SHF: variants seen among roughly 807,000 people sequenced by gnomAD.
SHF encodes the protein Src homology 2 domain containing F, also known as SH2 domain-containing adapter protein F.
SHF carries 30 observed loss-of-function variants against 42.4 expected under a neutral mutation model. The ratio of observed to expected loss-of-function variants is 0.71; its 90% CI spans 0.53 to 0.96. The LOEUF is 0.96. SHF is among the 40% of genes least tolerant of loss of function. SHF has a pLI of 0.00. For synonymous variants in SHF, 264 were observed against 269.9 expected (o/e 0.98, Z 0.21); for missense variants, 598 against 634.0 (o/e 0.94, Z 0.61).
At chr15:45,175,077 T>A (rs1897727028) in intron 3 of SHF, 142 bp downstream of exon 3, 1 of 892,222 alleles carries the variant, frequency 1.1e-6, no homozygotes, top group African/African-American at 1.7e-5. Context: ...CCCCACCCCC[T>A]ATGGTACAGA....
intron 1 of SHF, among the ~76,000 whole-genome samples, chr15:45,182,175 C>T (rs1023671011): frequency 3.3e-5 from 5 of 152,234 alleles, no homozygotes; most frequent in African/African-American, 1.2e-4. Flanking sequence ...CATCCCTGAC[C>T]CCCACCACGG....
At chr15:45,172,388 A>G in intron 4 of SHF, 70 bp from the exon 5 acceptor site, 1 of 1,433,274 alleles carries the variant, frequency 7.0e-7, no homozygotes, top group Non-Finnish European at 9.3e-7. Flanking sequence ...TTGAATAGCC[A>G]GTGCCCAACC....
At chr15:45,199,808 G>T (rs1453357620) in intron 1 of SHF, 1 of 151,928 alleles carries the variant, frequency 6.6e-6, no homozygotes, top group African/African-American at 2.4e-5. Flanking sequence ...AAAAAAACTA[G>T]ATGGGCCTGG....
At chr15:45,198,776 C>A (rs16940558) in exon 2 of SHF, 1 of 1,608,174 alleles carries the variant, frequency 6.2e-7, no homozygotes, top group South Asian at 1.1e-5. Flanking sequence ...ACTTACGGGG[C>A]GAGGTTCCAG....
intron 2 of SHF, 118 bp from the exon 3 acceptor site, chr15:45,175,543 G>T: frequency 3.9e-6 from 4 of 1,024,256 alleles, no homozygotes; most frequent in East Asian, 5.3e-5. Context: ...CCCTGGCTCT[G>T]GGGGGAGCTC....
At chr15:45,180,802 T>C (rs1285110757) in intron 1 of SHF, among the ~76,000 whole-genome samples, 1 of 152,228 alleles carries the variant, frequency 6.6e-6, no homozygotes, top group Non-Finnish European at 1.5e-5. Flanking sequence ...GACTGTGAGC[T>C]TCCTGAGGGC....
In SHF at chr15:45,173,832, G is replaced by GGGCAGA. The variant is rs149440961; in HGVS notation, c.848-122_848-117dup. On this transcript the variant is annotated intron_variant, in intron 3 of 6. Transcript: ENST00000690270. ...CACAGGACAGCCTAGAAATGAGGAG[G>GGGCAGA]GGCAGAGGCAGAGGCAGAGGCAGGT... 143 of 1,192,320 alleles carry GGGCAGA rather than the reference G, an allele frequency of 1.2e-4. 2 individuals are homozygous for GGGCAGA. In the Middle Eastern group the frequency reaches 1.4e-3, roughly 11 times the overall value. 73.9% of individuals were successfully genotyped at this position (1,192,320 alleles called of 1,614,324 possible).
chr15:45,187,396 G>T (rs1224844544), intron 1 of SHF, 58 bp downstream of exon 1: 3 of 1,229,662 alleles, frequency 2.4e-6, no homozygotes, highest in Non-Finnish European at 3.0e-6. Flanking sequence ...CCCTCTCGCA[G>T]CCTCCAGACC....
chr15:45,198,032 T>C (rs1011389174), intron 2 of SHF, among the ~76,000 whole-genome samples: 1 of 152,102 alleles, frequency 6.6e-6, no homozygotes, highest in Non-Finnish European at 1.5e-5. Context: ...TACTAGACTT[T>C]TGTGCATGTA....
intron 1 of SHF, among the ~76,000 whole-genome samples, chr15:45,185,358 C>G (rs1898336796): frequency 6.6e-6 from 1 of 152,234 alleles, no homozygotes; most frequent in South Asian, 2.1e-4. Context: ...AGCAGCATCT[C>G]TTAGGTTTAG....
At position 45,194,681 on chromosome 15, in the gene SHF, A is replaced by G. The variant is rs183070294; in HGVS notation, c.303+4091T>C. On this transcript the variant is annotated intron_variant, in intron 2 of 7. Coordinates refer to the SHF transcript ENST00000290894. Reference sequence around the variant, plus strand: ...GTGTCCTTTTGACTTGGTCCCATCAATGTTTAAGCTCTTCAGTGCTTTCTC... The same window carrying G: ...GTGTCCTTTTGACTTGGTCCCATCAGTGTTTAAGCTCTTCAGTGCTTTCTC... 8.9e-4 allele frequency among the ~76,000 whole-genome samples: 135 copies of G among 152,036 alleles called. 1 individual carries two copies. The Middle Eastern group carries it at 0.01, about 12-fold the overall frequency.
At chr15:45,173,459 T>G in intron 4 of SHF, 117 bp downstream of exon 4, 1,730 of 1,355,688 alleles carry the variant, frequency 1.3e-3, no homozygotes, top group Non-Finnish European at 1.5e-3. Context: ...TCTTCCCAAA[T>G]GAGATTCTTC....
chr15:45,199,114 G>A, exon 2 of SHF: 1 of 1,509,628 alleles, frequency 6.6e-7, no homozygotes, highest in Admixed American at 2.2e-5. Flanking sequence ...TGGAGATTGT[G>A]GACACCCTAG....
chr15:45,175,977 C>A (rs1897788342), intron 2 of SHF, among the ~76,000 whole-genome samples: 1 of 152,008 alleles, frequency 6.6e-6, no homozygotes, highest in African/African-American at 2.4e-5. Context: ...CGCCATCATG[C>A]CCGGCTAATT....
At chr15:45,193,260 CAT>C (rs1320826877) in intron 2 of SHF, among the ~76,000 whole-genome samples, 1 of 152,198 alleles carries the variant, frequency 6.6e-6, no homozygotes, top group Non-Finnish European at 1.5e-5. Flanking sequence ...AGGATGCACA[CAT>C]GACAGCCTCA....
At chr15:45,173,514 A>C in intron 4 of SHF, 62 bp downstream of exon 4, 1 of 1,433,530 alleles carries the variant, frequency 7.0e-7, no homozygotes, top group Non-Finnish European at 9.1e-7. Flanking sequence ...CCTCCAACCC[A>C]ACCCACAGGG....
At chr15:45,199,084 G>T in exon 2 of SHF, 1 of 1,563,058 alleles carries the variant, frequency 6.4e-7, no homozygotes, top group South Asian at 1.2e-5. Flanking sequence ...TCCTCCAGCG[G>T]TGACCCAATG....
intron 1 of SHF, among the ~76,000 whole-genome samples, chr15:45,182,480 CT>C (rs1898180675): frequency 6.6e-6 from 1 of 152,200 alleles, no homozygotes; most frequent in Non-Finnish European, 1.5e-5. Context: ...TGAGGATAAT[CT>C]TTTCTATTCA....
chr15:45,196,393 T>G (rs1197528484), intron 2 of SHF, among the ~76,000 whole-genome samples: 1 of 152,158 alleles, frequency 6.6e-6, no homozygotes. Flanking sequence ...TGTGCCTGGC[T>G]GACTTCCTCT....
Sources: gnomAD v4.1 joint callset for allele counts (sites outside exome capture counted in the v4.1 genomes callset) on GRCh38, gnomAD v4.1.1 for gene constraint, MANE v1.5 for transcripts, NCBI Gene and HGNC (gene_info 2026-07-23, HGNC 2026-07-21) for gene names.